Variants in FAR2 observed in about 807,000 individuals in gnomAD.
FAR2 encodes the protein fatty acyl-CoA reductase 2.
In FAR2, 19 loss-of-function variants were observed where a neutral mutation model predicts 56.0. The observed-to-expected ratio is 0.34, with a 90% CI of 0.24 to 0.50. The LOEUF (loss-of-function observed/expected upper bound fraction) is 0.50. Among genes scored for constraint, FAR2 ranks in the 20% least tolerant of loss-of-function variants. The pLI is 0.98. For synonymous variants in FAR2, 219 were observed against 218.8 expected, an observed-to-expected ratio of 1.00 and a Z score of -0.01; for missense variants, 508 against 642.2, an observed-to-expected ratio of 0.79 and a Z score of 2.26.
chr12:29,309,338 T>G (rs1949307658), intron 6 of FAR2, 108 bp downstream of exon 6: 1 of 766,648 alleles, frequency 1.3e-6, no homozygotes, highest in Non-Finnish European at 2.2e-6. Context: ...AATGTTACTT[T>G]ACTAATAACT....
intron 10 of FAR2, among the ~76,000 whole-genome samples, chr12:29,324,176 A>G (rs1040353755): frequency 1.3e-5 from 2 of 152,216 alleles, no homozygotes; most frequent in Non-Finnish European, 2.9e-5. Context: ...AATGAAATGA[A>G]GCGTGAAGAG....
chr12:29,187,341 T>C (rs1950053987), intron 1 of FAR2, among the ~76,000 whole-genome samples: 1 of 152,134 alleles, frequency 6.6e-6, no homozygotes, highest in Admixed American at 6.5e-5. Flanking sequence ...CTTGGAGTAT[T>C]ATATAATTAT....
chr12:29,197,658 G>T (rs1415058022), intron 1 of FAR2, among the ~76,000 whole-genome samples: 1 of 152,112 alleles, frequency 6.6e-6, no homozygotes, highest in African/African-American at 2.4e-5. Flanking sequence ...TTAACAAAAA[G>T]TTTAATTAAT....
intron 4 of FAR2, among the ~76,000 whole-genome samples, chr12:29,302,529 G>C (rs1475568361): frequency 6.6e-6 from 1 of 152,216 alleles, no homozygotes; most frequent in Non-Finnish European, 1.5e-5. Context: ...CATGTGTTAC[G>C]TGTAGGGAAG....
chr12:29,267,706 G>A (rs541772444), intron 1 of FAR2, among the ~76,000 whole-genome samples: 2 of 152,314 alleles, frequency 1.3e-5, no homozygotes, highest in Admixed American at 1.3e-4. Flanking sequence ...ATCCAAAAGT[G>A]TTCTTCATAG....
intron 10 of FAR2, 62 bp from the exon 11 acceptor site, chr12:29,332,538 G>C: frequency 6.2e-7 from 1 of 1,602,446 alleles, no homozygotes; most frequent in East Asian, 2.2e-5. Flanking sequence ...GAAACCTCAA[G>C]TGGACAAAGT....
Position 29,149,393 on chromosome 12 carries a change from G to C in FAR2, c.-53G>C, listed in dbSNP as rs1369859586. On this transcript the variant is annotated 5_prime_UTR_variant, in exon 1 of 12. Coordinates refer to ENST00000536681, the MANE Select transcript of FAR2 (RefSeq NM_001271783.2). Reference sequence around the variant, plus strand: ...GGACCACTAGTTGGACCCCATCCTCGTGCTGGAGGAACAGGTATTCCAGGG... The same window carrying C: ...GGACCACTAGTTGGACCCCATCCTCCTGCTGGAGGAACAGGTATTCCAGGG... 6.6e-6 allele frequency: 1 copy of C among 152,388 alleles called. No homozygotes were observed. The highest frequency in any genetic ancestry group is 1.5e-5 in the Non-Finnish European group (1 of 68,160). The allele number at this position is 152,388 out of a possible 1,614,324, so 9.4% of individuals were successfully genotyped here.
At chr12:29,181,945 A>C (rs1203590309) in intron 1 of FAR2, among the ~76,000 whole-genome samples, 1 of 152,224 alleles carries the variant, frequency 6.6e-6, no homozygotes, top group Non-Finnish European at 1.5e-5. Context: ...GGATAGACAG[A>C]TAGATAGATA....
At chr12:29,301,800 C>G (rs1949168687) in intron 4 of FAR2, 1 of 152,186 alleles carries the variant, frequency 6.6e-6, no homozygotes, top group South Asian at 2.1e-4. Context: ...CACTGCTATA[C>G]TAATCACGGA....
intron 1 of FAR2, among the ~76,000 whole-genome samples, chr12:29,232,821 G>GCGCGCACACA (rs71444325): frequency 4.1e-5 from 6 of 145,858 alleles, no homozygotes; most frequent in African/African-American, 1.5e-4. Context: ...ACGCGCTCGC[G>GCGCGCACACA]CACACACACA....
intron 1 of FAR2, among the ~76,000 whole-genome samples, chr12:29,243,153 C>T (rs1001798546): frequency 3.3e-5 from 5 of 152,128 alleles, no homozygotes; most frequent in Admixed American, 6.5e-5. Flanking sequence ...GGGCACCCTG[C>T]GTGATTGGTT....
intron 1 of FAR2, among the ~76,000 whole-genome samples, chr12:29,257,204 C>T (rs559579663): frequency 1.3e-5 from 2 of 152,048 alleles, no homozygotes; most frequent in East Asian, 3.9e-4. Context: ...GTAAACACAC[C>T]AATCAGCACC....
rs114243262 is a variant in FAR2, at chr12:29,315,680, G to A, written c.956-1161G>A. ...TGATAGATTTTGTTGAATTGTGTGTGGGTTGTTAAAGAGAAGAATCAAGGA... is the reference window on the plus strand; with the variant it reads ...TGATAGATTTTGTTGAATTGTGTGTAGGTTGTTAAAGAGAAGAATCAAGGA... On this transcript the variant is annotated intron_variant, in intron 8 of 11. Coordinates refer to ENST00000536681, the MANE Select transcript of FAR2 (RefSeq NM_001271783.2). 8.4e-3 allele frequency among the ~76,000 whole-genome samples: 1,282 copies of A among 152,182 alleles called. 19 individuals are homozygous for A. Among genetic ancestry groups the A allele is most frequent in the African/African-American group, 0.029 (1,200 of 41,506 alleles).
intron 1 of FAR2, among the ~76,000 whole-genome samples, chr12:29,256,948 G>T (rs1948328387): frequency 6.6e-6 from 1 of 152,184 alleles, no homozygotes; most frequent in South Asian, 2.1e-4. Context: ...CTCCTGTGGG[G>T]CCCCAGCCTC....
At chr12:29,250,664 C>G (rs1382746559) in intron 1 of FAR2, among the ~76,000 whole-genome samples, 1 of 152,184 alleles carries the variant, frequency 6.6e-6, no homozygotes, top group Non-Finnish European at 1.5e-5. Flanking sequence ...CAATACAACT[C>G]CCTTTCCATC....
intron 2 of FAR2, among the ~76,000 whole-genome samples, chr12:29,292,588 G>A (rs900781177): frequency 2.6e-5 from 4 of 152,130 alleles, no homozygotes; most frequent in Non-Finnish European, 5.9e-5. Context: ...GTACCCCAGG[G>A]TGTTTTTATT....
At chr12:29,247,490 C>G (rs1296461770) in intron 1 of FAR2, among the ~76,000 whole-genome samples, 3 of 152,140 alleles carry the variant, frequency 2.0e-5, no homozygotes, top group African/African-American at 7.2e-5. Flanking sequence ...AATCAATAGT[C>G]TTCTTGGTGG....
chr12:29,295,528 C>G (rs79781493), intron 3 of FAR2, among the ~76,000 whole-genome samples: 3,757 of 152,112 alleles, frequency 0.025, 157 homozygotes, highest in African/African-American at 0.085. Context: ...TTAGAATTAC[C>G]TTGTATATGT....
chr12:29,272,000 A>G (rs1327787650), intron 2 of FAR2, among the ~76,000 whole-genome samples: 1 of 152,178 alleles, frequency 6.6e-6, no homozygotes, highest in African/African-American at 2.4e-5. Context: ...GGGATAACTA[A>G]TGGTTCTTAA....
Sources: allele counts gnomAD v4.1 joint callset (sites outside exome capture counted in the v4.1 genomes callset), GRCh38; gene constraint gnomAD v4.1.1; transcripts MANE v1.5; gene names NCBI Gene and HGNC (gene_info 2026-07-23, HGNC 2026-07-21).